The following GULP1 variants were observed in gnomAD, a reference collection of about 807,000 sequenced individuals.
GULP1 encodes the protein GULP PTB domain containing engulfment adaptor 1, also known as PTB domain-containing engulfment adapter protein 1.
A neutral mutation model predicts 40.9 loss-of-function variants in GULP1; 19 were observed. The observed-to-expected ratio is 0.46, with a 90% CI of 0.32 to 0.68. The LOEUF (loss-of-function observed/expected upper bound fraction) is 0.68, where lower values mean the gene tolerates loss of function less well. GULP1 is among the 30% of genes least tolerant of loss of function. The pLI is 0.03. For synonymous variants in GULP1, 119 were observed against 117.6 expected, an observed-to-expected ratio of 1.01 and a Z score of -0.08; for missense variants, 312 against 362.2, an observed-to-expected ratio of 0.86 and a Z score of 1.12.
chr2:188,520,271 C>A (rs1034244772), intron 4 of GULP1, among the ~76,000 whole-genome samples: 4 of 152,040 alleles, frequency 2.6e-5, no homozygotes, highest in African/African-American at 9.7e-5. Context: ...GGCGTGGTGG[C>A]CCACACCTGT....
chr2:188,419,158 G>A (rs2055009049), intron 2 of GULP1, among the ~76,000 whole-genome samples: 2 of 152,130 alleles, frequency 1.3e-5, no homozygotes, highest in South Asian at 4.1e-4. Flanking sequence ...GTGTTGCACT[G>A]TACATAGGCA....
chr2:188,411,035 C>T (rs376721378), intron 2 of GULP1, among the ~76,000 whole-genome samples: 3 of 152,062 alleles, frequency 2.0e-5, no homozygotes, highest in Non-Finnish European at 4.4e-5. Context: ...CTTGGGAGGT[C>T]GGCAATGTCA....
intron 4 of GULP1, among the ~76,000 whole-genome samples, chr2:188,518,804 A>G (rs1450844145): frequency 1.3e-5 from 2 of 152,078 alleles, no homozygotes; most frequent in Non-Finnish European, 1.5e-5. Context: ...TCTTTTTTTC[A>G]TCTCTTACTG....
At chr2:188,589,728 C>A in intron 11 of GULP1, 2 of 1,381,414 alleles carry the variant, frequency 1.4e-6, no homozygotes, top group Non-Finnish European at 1.9e-6. Context: ...TTACTGCTTT[C>A]ATGGTGGGTA....
At chr2:188,343,120 A>G (rs951705840) in intron 1 of GULP1, among the ~76,000 whole-genome samples, 1 of 152,116 alleles carries the variant, frequency 6.6e-6, no homozygotes, top group South Asian at 2.1e-4. Flanking sequence ...ACAAATCTGG[A>G]TGTTATTCTC....
At chr2:188,445,372 C>T (rs1192344347) in intron 2 of GULP1, among the ~76,000 whole-genome samples, 1 of 152,122 alleles carries the variant, frequency 6.6e-6, no homozygotes, top group Non-Finnish European at 1.5e-5. Context: ...TCAGAGACAG[C>T]AATGGCAGGA....
intron 1 of GULP1, among the ~76,000 whole-genome samples, chr2:188,314,168 ACTGGATAGC>A (rs140895251): frequency 0.022 from 3,399 of 152,114 alleles, 137 homozygotes; most frequent in African/African-American, 0.077. Flanking sequence ...CTTGGTACCA[ACTGGATAGC>A]CTTCAAGTTA....
rs1446869502 is a variant in GULP1 at position 188,548,843 on chromosome 2, G to GTTTTGTTTTGTT, written c.399+7528_399+7539dup. On this transcript the variant is annotated intron_variant, in intron 7 of 11. Coordinates refer to ENST00000409830, the MANE Select transcript of GULP1 (RefSeq NM_016315.4). Reference sequence around the variant, plus strand: ...GGGAAAGAAGGTTTTGTTTTGTTTTGTTTTGTTTTGTTTTGTTTTATTTTG... The same window carrying GTTTTGTTTTGTT: ...GGGAAAGAAGGTTTTGTTTTGTTTTGTTTTGTTTTGTTTTTTGTTTTGTTTTGTTTTATTTTG... 4.0e-5 allele frequency among the ~76,000 whole-genome samples: 6 copies of GTTTTGTTTTGTT among 151,006 alleles called. No individual in the cohort carries two copies. The Admixed American group carries it at 4.0e-4, about 10-fold the overall frequency.
Position 188,582,217 on chromosome 2 carries a change from T to C in GULP1, c.610-2048T>C, listed in dbSNP as rs1701465096. ...ACTCTATGTTTTAATTTTAGAAAAG[T>C]TACTGTGAAATGATCTTATCATCTT... On this transcript the variant is annotated intron_variant, in intron 9 of 11. Transcript: ENST00000409830. 8.3e-6 allele frequency: 3 copies of C among 359,966 alleles called. 1 individual carries two copies. The highest frequency in any genetic ancestry group is 6.4e-5 in the South Asian group (3 of 47,122). The allele number at this position is 359,966 out of a possible 1,614,324, so 22.3% of individuals were successfully genotyped here.
At chr2:188,586,516 G>A (rs1559409380) in intron 10 of GULP1, among the ~76,000 whole-genome samples, 1 of 152,012 alleles carries the variant, frequency 6.6e-6, no homozygotes, top group African/African-American at 2.4e-5. Flanking sequence ...ACTAAACTGA[G>A]GAAAATAAAT....
chr2:188,404,295 C>A (rs2052738119), intron 2 of GULP1, among the ~76,000 whole-genome samples: 1 of 152,128 alleles, frequency 6.6e-6, no homozygotes. Flanking sequence ...TCCATGCATG[C>A]AAATACCTTC....
intron 1 of GULP1, among the ~76,000 whole-genome samples, chr2:188,371,998 ATC>A (rs2047662683): frequency 1.7e-5 from 1 of 60,418 alleles, no homozygotes. Flanking sequence ...AGGTAGCTAC[ATC>A]ATTGATTTTT....
chr2:188,380,447 C>T (rs976411887), intron 1 of GULP1, among the ~76,000 whole-genome samples: 1 of 151,838 alleles, frequency 6.6e-6, no homozygotes, highest in Non-Finnish European at 1.5e-5. Context: ...TATTTAACTG[C>T]ATGTAGGTGG....
At chr2:188,496,895 C>G (rs557911150) in intron 4 of GULP1, among the ~76,000 whole-genome samples, 14 of 152,012 alleles carry the variant, frequency 9.2e-5, no homozygotes, top group African/African-American at 3.4e-4. Context: ...ACCTCCCACT[C>G]CTTTATCTTC....
intron 7 of GULP1, among the ~76,000 whole-genome samples, chr2:188,562,184 T>A (rs1696477878): frequency 6.6e-6 from 1 of 152,168 alleles, no homozygotes; most frequent in Non-Finnish European, 1.5e-5. Flanking sequence ...TGGGACCTAG[T>A]GCAAGCTCCC....
chr2:188,402,320 T>A (rs947806441), intron 2 of GULP1, among the ~76,000 whole-genome samples: 1 of 152,148 alleles, frequency 6.6e-6, no homozygotes, highest in Non-Finnish European at 1.5e-5. Flanking sequence ...GACTCCTCAA[T>A]AAAATTATTT....
intron 1 of GULP1, among the ~76,000 whole-genome samples, chr2:188,297,869 T>G (rs1187517799): frequency 6.6e-6 from 1 of 152,030 alleles, no homozygotes; most frequent in Non-Finnish European, 1.5e-5. Flanking sequence ...AACGTGCAAA[T>G]TTGGGATAAA....
chr2:188,374,642 T>C (rs1289937202), intron 1 of GULP1, among the ~76,000 whole-genome samples: 1 of 152,142 alleles, frequency 6.6e-6, no homozygotes, highest in Non-Finnish European at 1.5e-5. Context: ...TTTTAACTTA[T>C]TCCACATTCC....
At chr2:188,494,399 T>C (rs1417410499) in intron 4 of GULP1, among the ~76,000 whole-genome samples, 1 of 152,004 alleles carries the variant, frequency 6.6e-6, no homozygotes, top group Non-Finnish European at 1.5e-5. Flanking sequence ...CCCTAATCTA[T>C]CACAGACTCA....
Sources: allele counts gnomAD v4.1 joint callset (sites outside exome capture counted in the v4.1 genomes callset), GRCh38; gene constraint gnomAD v4.1.1; transcripts MANE v1.5; gene names NCBI Gene and HGNC (gene_info 2026-07-23, HGNC 2026-07-21).